Variants in ZMYND8 observed in about 807,000 individuals in gnomAD.
ZMYND8 encodes the protein zinc finger MYND-type containing 8.
A neutral mutation model predicts 140.8 loss-of-function variants in ZMYND8; 37 were observed. The ratio of observed to expected loss-of-function variants is 0.26; its 90% CI spans 0.20 to 0.35. ZMYND8 has a LOEUF of 0.35. Among genes scored for constraint, ZMYND8 ranks in the 10% least tolerant of loss-of-function variants. ZMYND8 has a pLI of 1.00. For synonymous variants in ZMYND8, 592 were observed against 597.1 expected, an observed-to-expected ratio of 0.99 and a Z score of 0.12; for missense variants, 1,068 against 1,570.0, an observed-to-expected ratio of 0.68 and a Z score of 5.40.
intron 1 of ZMYND8, among the ~76,000 whole-genome samples, chr20:47,350,471 T>C (rs186207119): frequency 2.0e-5 from 3 of 150,106 alleles, no homozygotes; most frequent in Admixed American, 1.3e-4. Context: ...GTGTGTGTGT[T>C]TTTTTTTGAT....
At chr20:47,332,135 AC>A (rs1245240088) in intron 2 of ZMYND8, among the ~76,000 whole-genome samples, 1 of 152,118 alleles carries the variant, frequency 6.6e-6, no homozygotes, top group Non-Finnish European at 1.5e-5. Context: ...ACATGGTGAA[AC>A]CCCGTCTCTA....
chr20:47,304,887 C>T (rs1293244536), intron 3 of ZMYND8, among the ~76,000 whole-genome samples: 1 of 152,124 alleles, frequency 6.6e-6, no homozygotes, highest in Non-Finnish European at 1.5e-5. Flanking sequence ...TGGGGAGAAA[C>T]TGGCAATCCC....
At chr20:47,225,509 T>G (rs1250499421) in intron 18 of ZMYND8, among the ~76,000 whole-genome samples, 1 of 122,254 alleles carries the variant, frequency 8.2e-6, no homozygotes, top group Non-Finnish European at 1.6e-5. Flanking sequence ...ACCGAGATCA[T>G]GCCATTGCAC....
chr20:47,304,620 C>G (rs1260860220), intron 3 of ZMYND8, among the ~76,000 whole-genome samples: 1 of 152,254 alleles, frequency 6.6e-6, no homozygotes, highest in Non-Finnish European at 1.5e-5. Flanking sequence ...AGAGGCCACA[C>G]AGGGACCATA....
intron 5 of ZMYND8, among the ~76,000 whole-genome samples, chr20:47,294,107 G>T (rs924609100): frequency 7.2e-5 from 11 of 152,022 alleles, no homozygotes; most frequent in Non-Finnish European, 1.5e-4. Flanking sequence ...CACCATATTG[G>T]GAGGCCGAGG....
intron 11 of ZMYND8, among the ~76,000 whole-genome samples, chr20:47,272,281 G>A (rs772463211): frequency 3.3e-5 from 5 of 152,016 alleles, no homozygotes; most frequent in Non-Finnish European, 7.4e-5. Flanking sequence ...GTTTCACCGT[G>A]TTAGCCAGGA....
chr20:47,319,703 A>G (rs3746481), intron 2 of ZMYND8: 2 of 152,192 alleles, frequency 1.3e-5, no homozygotes, highest in Admixed American at 6.5e-5. Flanking sequence ...TAGAGGCAAT[A>G]GCAACCGCGG....
At position 47,245,993 on chromosome 20, in the gene ZMYND8, G is replaced by A. The variant is rs771510192; in HGVS notation, c.2284+15C>T. 4 of 1,562,982 alleles carry A rather than the reference G, an allele frequency of 2.6e-6. No homozygotes were observed. Among genetic ancestry groups the A allele is most frequent in the Non-Finnish European group, 1.7e-6 (2 of 1,159,532 alleles). ...AACCAAATTAAGAAAACTGGAAACA[G>A]ATACAATCACTTACCATCCTGTTTG... On this transcript the variant is annotated intron_variant, in intron 14 of 22. Transcript: ENST00000471951.
Position 47,351,692 on chromosome 20 carries a change from C to G in ZMYND8, c.15-3766G>C, listed in dbSNP as rs921546078. On this transcript the variant is annotated intron_variant, in intron 1 of 22. Coordinates refer to ENST00000471951, the MANE Select transcript of ZMYND8 (RefSeq NM_001281775.3). Reference sequence around the variant, plus strand: ...TGGGGGGGAATGGTTAGCAGAGCAGCTTTATATAAGCACTCACCTAAAACA... The same window carrying G: ...TGGGGGGGAATGGTTAGCAGAGCAGGTTTATATAAGCACTCACCTAAAACA... 5 of 985,228 alleles carry G rather than the reference C, an allele frequency of 5.1e-6. No individual in the cohort carries two copies. The African/African-American group carries it at 7.0e-5, about 14-fold the overall frequency. The allele number at this position is 985,228 out of a possible 1,614,324, so 61.0% of individuals were successfully genotyped here. A position where few individuals can be genotyped will look rare whatever the true frequency, so the allele number is the denominator to read the frequency against.
chr20:47,237,548 A>G (rs2039409125), intron 15 of ZMYND8: 1 of 152,136 alleles, frequency 6.6e-6, no homozygotes. Flanking sequence ...CCCAATCTCA[A>G]ATATCCTAGA....
intron 1 of ZMYND8, 117 bp downstream of exon 1, chr20:47,356,540 A>AT (rs1602238302): frequency 6.2e-7 from 1 of 1,612,946 alleles, no homozygotes; most frequent in Admixed American, 1.7e-5. Flanking sequence ...CCAAGTTAAC[A>AT]TAAGTGCTCT....
chr20:47,237,299 C>A lies in ZMYND8; in HGVS notation c.2666-783G>T, dbSNP rs531648127. The A allele has an allele frequency of 9.4e-4, 143 of 151,986 alleles. 2 individuals carry two copies. Among genetic ancestry groups the A allele is most frequent in the African/African-American group, 3.3e-3 (137 of 41,438 alleles). The allele number at this position is 151,986 out of a possible 1,614,324, so 9.4% of individuals were successfully genotyped here. A position where few individuals can be genotyped will look rare whatever the true frequency, so the allele number is the denominator to read the frequency against. Reference sequence around the variant, plus strand: ...AGGGTTACGGGCATGTGCCATCATGCCCGGCTAGTTTTTTGCTTTTTTTTT... The same window carrying A: ...AGGGTTACGGGCATGTGCCATCATGACCGGCTAGTTTTTTGCTTTTTTTTT... On this transcript the variant is annotated intron_variant, in intron 15 of 22. Coordinates refer to ENST00000471951, the MANE Select transcript of ZMYND8 (RefSeq NM_001281775.3).
rs2039581716 is a variant in ZMYND8 at position 47,238,805 on chromosome 20, GGCTGCTGCTGCTGGTTTT to G, written c.2600_2617del (p.Gln867_Gln872del). On this transcript the variant is annotated inframe_deletion, in exon 15 of 23. Coordinates refer to ENST00000471951, the MANE Select transcript of ZMYND8 (RefSeq NM_001281775.3). Reference sequence around the variant, plus strand: ...ATATCTCGTCCCCTGGGAAGACTGAGGCTGCTGCTGCTGGTTTTGCTGCTGCTGCTGCTGCTGCTGACG... The same window carrying G: ...ATATCTCGTCCCCTGGGAAGACTGAGGCTGCTGCTGCTGCTGCTGCTGACG... The G allele has an allele frequency of 1.2e-6, 2 of 1,613,074 alleles. No homozygotes were observed. Among genetic ancestry groups the G allele is most frequent in the Non-Finnish European group, 1.7e-6 (2 of 1,180,002 alleles).
chr20:47,294,431 G>T (rs755979650), intron 5 of ZMYND8, among the ~76,000 whole-genome samples: 27 of 151,920 alleles, frequency 1.8e-4, no homozygotes, highest in Non-Finnish European at 3.2e-4. Context: ...CTTTACAATA[G>T]TGTGAAAACA....
At chr20:47,227,035 T>C (rs1288572913) in intron 18 of ZMYND8, among the ~76,000 whole-genome samples, 168 bp downstream of exon 18, 1 of 152,188 alleles carries the variant, frequency 6.6e-6, no homozygotes, top group Non-Finnish European at 1.5e-5. Context: ...CACCCACTCT[T>C]ACACCTGGTT....
chr20:47,220,303 T>G lies in ZMYND8; in HGVS notation c.3439A>C (p.Arg1147=), dbSNP rs1034898802. 6 of 1,563,326 alleles carry G rather than the reference T, an allele frequency of 3.8e-6. No homozygotes were observed. In the African/African-American group the frequency reaches 8.2e-5, roughly 21 times the overall value. The change falls in exon 21 of 23, where the codon AGA becomes CGA. Residue 1147 remains arginine (R), a synonymous_variant. Transcript: ENST00000471951. ...SGSTLDLSGS[R]ETPSSILLGS... The stretch of plus-strand genomic sequence containing the variant: ...AAGAGAATGGAGGAGGGCGTCTCTC[T>G]GGAGCCAGAAAGGTCAAGGGTCTAG...
chr20:47,313,503 T>C (rs1345391686), intron 2 of ZMYND8, among the ~76,000 whole-genome samples: 1 of 151,946 alleles, frequency 6.6e-6, no homozygotes, highest in Non-Finnish European at 1.5e-5. Context: ...GCGCCTGTAG[T>C]CCCAGCTACT....
intron 8 of ZMYND8, among the ~76,000 whole-genome samples, chr20:47,285,444 A>G (rs1015679263): frequency 2.0e-5 from 3 of 152,228 alleles, no homozygotes; most frequent in Admixed American, 1.3e-4. Context: ...AACATATCCA[A>G]AACAGCCTGT....
chr20:47,239,690 C>T (rs892470681), intron 14 of ZMYND8, among the ~76,000 whole-genome samples: 3 of 152,204 alleles, frequency 2.0e-5, no homozygotes, highest in Non-Finnish European at 2.9e-5. Flanking sequence ...TTCTGATTCC[C>T]TCCAGGACAA....
Sources: allele counts gnomAD v4.1 joint callset (sites outside exome capture counted in the v4.1 genomes callset), GRCh38; gene constraint gnomAD v4.1.1; transcripts MANE v1.5; gene names NCBI Gene and HGNC (gene_info 2026-07-23, HGNC 2026-07-21).